The following DLC1 variants were observed in gnomAD, a reference collection of about 807,000 sequenced individuals.
DLC1 encodes the protein rho GTPase-activating protein 7.
Under a neutral mutation model 140.3 loss-of-function variants are expected in DLC1, and 54 were observed. The observed-to-expected ratio is 0.38, with a 90% CI of 0.31 to 0.48. The LOEUF (loss-of-function observed/expected upper bound fraction) is 0.48. DLC1 is among the 20% of genes least tolerant of loss of function. The pLI, the probability that DLC1 is intolerant of heterozygous loss-of-function variation, is 0.96. For synonymous variants in DLC1, 986 were observed against 728.1 expected, an observed-to-expected ratio of 1.35 and a Z score of -5.70; for missense variants, 2,536 against 1,907.0, an observed-to-expected ratio of 1.33 and a Z score of -6.14.
Position 13,485,320 on chromosome 8 carries a change from A to G in DLC1, c.1023+13729T>C, listed in dbSNP as rs564357743. On this transcript the variant is annotated intron_variant, in intron 2 of 17. Transcript: ENST00000276297. ...TATTCACTCATCATAAACAAACAAT[A>G]GGCTTAAAATGACTTCAATATAGCT... is the stretch of plus-strand genomic sequence containing the variant. Among the ~76,000 whole-genome samples, 9 of 152,338 alleles carry G rather than the reference A, an allele frequency of 5.9e-5. No homozygotes were observed. The Middle Eastern group carries it at 0.01, about 173-fold the overall frequency.
chr8:13,560,362 C>G (rs546393449), intron 1 of DLC1, among the ~76,000 whole-genome samples: 1 of 152,226 alleles, frequency 6.6e-6, no homozygotes, highest in South Asian at 2.1e-4. Flanking sequence ...TGTGAGCAGT[C>G]ACTCTACAGG....
intron 2 of DLC1, among the ~76,000 whole-genome samples, chr8:13,495,876 T>C (rs1057188031): frequency 2.0e-5 from 3 of 152,232 alleles, no homozygotes; most frequent in Non-Finnish European, 4.4e-5. Flanking sequence ...TATTTTTTTC[T>C]TCAGGTCTTA....
At chr8:13,505,173 T>G (rs1374781837) in intron 1 of DLC1, among the ~76,000 whole-genome samples, 1 of 152,154 alleles carries the variant, frequency 6.6e-6, no homozygotes, top group Admixed American at 6.5e-5. Context: ...TGGCTAATTT[T>G]TTTCATGTAG....
chr8:13,366,008 A>C (rs1014018035), intron 4 of DLC1, among the ~76,000 whole-genome samples: 1 of 152,208 alleles, frequency 6.6e-6, no homozygotes, highest in Admixed American at 6.5e-5. Flanking sequence ...TAGAAGGTGA[A>C]GTGGGAAAAG....
At chr8:13,510,332 C>T (rs932160804) in intron 1 of DLC1, among the ~76,000 whole-genome samples, 1 of 152,044 alleles carries the variant, frequency 6.6e-6, no homozygotes, top group Non-Finnish European at 1.5e-5. Context: ...TGCTACCATG[C>T]CTGGCTAAAG....
In DLC1 at chr8:13,100,230, T is replaced by A; in HGVS notation, c.2107A>T (p.Met703Leu). ...AGCTGCTTCAGCTTCTCCTCATCCA[T>A]CCCCTCTTGCAAGATGGGCCCGCTG... ...IISGPILQEG[M>L]DEEKLKQLNC... Residue 703 changes from methionine to leucine, a missense_variant, in exon 9 of 18, where the codon ATG becomes TTG. Met to Leu is a conservative substitution (Grantham distance 15, BLOSUM62 2). Transcript: ENST00000276297. 6.2e-7 allele frequency: 1 copy of A among 1,614,138 alleles called. No homozygotes were observed. The highest frequency in any genetic ancestry group is 8.5e-7 in the Non-Finnish European group (1 of 1,180,030).
chr8:13,395,888 TACC>T (rs1364195374), intron 3 of DLC1, among the ~76,000 whole-genome samples: 1 of 151,946 alleles, frequency 6.6e-6, no homozygotes, highest in Admixed American at 6.6e-5. Flanking sequence ...AACTACATTT[TACC>T]CTAAGAATAT....
chr8:13,247,417 A>C (rs558029985), intron 5 of DLC1, among the ~76,000 whole-genome samples: 4 of 152,348 alleles, frequency 2.6e-5, no homozygotes, highest in Non-Finnish European at 5.9e-5. Flanking sequence ...ACAATTATTT[A>C]GGACTTCCAG....
chr8:13,388,650 A>G (rs1191149155), intron 4 of DLC1, among the ~76,000 whole-genome samples: 1 of 152,016 alleles, frequency 6.6e-6, no homozygotes, highest in Non-Finnish European at 1.5e-5. Flanking sequence ...ATAATATCAC[A>G]TGTTATTTTT....
chr8:13,437,054 T>A (rs1180009405), intron 2 of DLC1, among the ~76,000 whole-genome samples: 2 of 152,214 alleles, frequency 1.3e-5, no homozygotes, highest in South Asian at 4.1e-4. Context: ...TCTCAAATAG[T>A]TTCTAAAATC....
intron 5 of DLC1, among the ~76,000 whole-genome samples, chr8:13,119,155 G>C (rs1387761727): frequency 2.7e-5 from 4 of 150,510 alleles, no homozygotes; most frequent in African/African-American, 9.8e-5. Context: ...ACTTGAGCCA[G>C]AGGTGGAGGC....
chr8:13,234,938 A>G (rs1448874073), intron 5 of DLC1, among the ~76,000 whole-genome samples: 5 of 152,092 alleles, frequency 3.3e-5, no homozygotes. Flanking sequence ...ATATTTTGAG[A>G]CCCTTAGTAA....
chr8:13,185,122 C>CTTTT (rs1193667992), intron 5 of DLC1, among the ~76,000 whole-genome samples: 128 of 84,512 alleles, frequency 1.5e-3, no homozygotes, highest in African/African-American at 3.5e-3. Context: ...GCAACCCCTG[C>CTTTT]TTTTTTTTTT....
At chr8:13,232,172 T>C (rs2583097) in intron 5 of DLC1, among the ~76,000 whole-genome samples, 72,335 of 151,952 alleles carry the variant, frequency 0.48, 17,687 homozygotes, top group East Asian at 0.83. Context: ...AAGGGAATGA[T>C]CAGGCTTGAA....
At chr8:13,270,992 G>C (rs909623653) in intron 5 of DLC1, among the ~76,000 whole-genome samples, 1 of 152,116 alleles carries the variant, frequency 6.6e-6, no homozygotes, top group Non-Finnish European at 1.5e-5. Flanking sequence ...ATATTACCCA[G>C]TGCAAGAACC....
chr8:13,110,630 A>G (rs1455062627), intron 7 of DLC1, 112 bp downstream of exon 7: 3 of 1,029,070 alleles, frequency 2.9e-6, no homozygotes, highest in Non-Finnish European at 4.4e-6. Context: ...TGGTTTGCCA[A>G]TAAAAACCTA....
rs775766609 is a variant in DLC1 at position 13,393,709 on chromosome 8, T to C, written c.1174-16A>G. 1.2e-6 allele frequency: 2 copies of C among 1,608,998 alleles called. No homozygotes were observed. The highest frequency in any genetic ancestry group is 2.2e-5 in the South Asian group (2 of 90,064). ...ATTCCAGATCCTATTAAAAAACAAA[T>C]GCACTGGTATGAAGGACATGTGAAT... On this transcript the variant is annotated splice_polypyrimidine_tract_variant and intron_variant, in intron 3 of 17. Transcript: ENST00000276297.
At chr8:13,529,884 T>A (rs1172070258) in intron 1 of DLC1, among the ~76,000 whole-genome samples, 1 of 152,194 alleles carries the variant, frequency 6.6e-6, no homozygotes, top group Non-Finnish European at 1.5e-5. Flanking sequence ...TTATTTCTAT[T>A]CCTAACACTA....
chr8:13,590,675 A>G (rs1805488032), intron 1 of DLC1, among the ~76,000 whole-genome samples: 1 of 152,060 alleles, frequency 6.6e-6, no homozygotes. Flanking sequence ...CTGTATTTGC[A>G]TTGTCCAAAA....
Sources: allele counts gnomAD v4.1 joint callset (sites outside exome capture counted in the v4.1 genomes callset), GRCh38; gene constraint gnomAD v4.1.1; transcripts MANE v1.5; gene names NCBI Gene and HGNC (gene_info 2026-07-23, HGNC 2026-07-21).